ZNG1B: variants seen among roughly 807,000 people sequenced by gnomAD.
The protein encoded by ZNG1B is Zn regulated GTPase metalloprotein activator 1B.
the ZNG1B span, chr2:113,445,045 G>C: frequency 1.6e-5 from 25 of 1,609,888 alleles, 3 homozygotes; most frequent in South Asian, 2.6e-4. Context: ...CCACTGGATT[G>C]GCAGACCCAG....
chr2:113,488,660 A>G, the ZNG1B span, among the ~76,000 whole-genome samples: 1 of 151,406 alleles, frequency 6.6e-6, no homozygotes, highest in Non-Finnish European at 1.5e-5. Flanking sequence ...ACTAGATAGC[A>G]TAAATAAAAA....
At chr2:113,477,946 G>A in the ZNG1B span, among the ~76,000 whole-genome samples, 1 of 152,180 alleles carries the variant, frequency 6.6e-6, no homozygotes, top group South Asian at 2.1e-4. Context: ...TTTATTTCAC[G>A]TAGCATAAAG....
the ZNG1B span, among the ~76,000 whole-genome samples, chr2:113,490,232 G>A: frequency 5.9e-5 from 9 of 152,204 alleles, no homozygotes; most frequent in African/African-American, 1.9e-4. Context: ...ATGCCGATAC[G>A]TGGAATAACC....
chr2:113,481,955 G>A, the ZNG1B span: 5,195 of 645,958 alleles, frequency 8.0e-3, 165 homozygotes, highest in African/African-American at 0.086. Flanking sequence ...CTGTGCATAT[G>A]TATATATATG....
the ZNG1B span, among the ~76,000 whole-genome samples, chr2:113,456,149 A>G: frequency 6.6e-6 from 1 of 151,672 alleles, no homozygotes; most frequent in African/African-American, 2.4e-5. Flanking sequence ...TCGTTGATAG[A>G]GTGCCCTAAT....
the ZNG1B span, among the ~76,000 whole-genome samples, chr2:113,462,099 C>T: frequency 2.6e-5 from 4 of 151,982 alleles, no homozygotes; most frequent in South Asian, 8.3e-4. Context: ...TGATTGTAAA[C>T]TTTTTGAGAC....
the ZNG1B span, among the ~76,000 whole-genome samples, chr2:113,446,676 G>T: frequency 6.6e-6 from 1 of 150,940 alleles, no homozygotes; most frequent in Non-Finnish European, 1.5e-5. Context: ...AAAGCTGGGA[G>T]GCGGAGGTTG....
the ZNG1B span, among the ~76,000 whole-genome samples, chr2:113,484,602 A>C: frequency 1.3e-5 from 2 of 152,206 alleles, no homozygotes; most frequent in African/African-American, 4.8e-5. Context: ...TAAAGCATGC[A>C]AATGTGTAAT....
the ZNG1B span, among the ~76,000 whole-genome samples, chr2:113,440,578 A>G: frequency 6.6e-6 from 1 of 152,178 alleles, no homozygotes; most frequent in Non-Finnish European, 1.5e-5. Context: ...ATGACCTAAA[A>G]GATATTAATA....
chr2:113,489,656 A>G, the ZNG1B span, among the ~76,000 whole-genome samples: 1 of 152,186 alleles, frequency 6.6e-6, no homozygotes. Flanking sequence ...ACTTAAGGTA[A>G]AGGGATGGAC....
chr2:113,446,971 G>A, the ZNG1B span, among the ~76,000 whole-genome samples: 2 of 150,254 alleles, frequency 1.3e-5, no homozygotes, highest in South Asian at 4.3e-4. Flanking sequence ...AATCTCTAAG[G>A]GAGGGGGTCA....
At chr2:113,444,635 A>C in the ZNG1B span, among the ~76,000 whole-genome samples, 4 of 151,970 alleles carry the variant, frequency 2.6e-5, no homozygotes, top group Non-Finnish European at 5.9e-5. Context: ...ATAGTTAATA[A>C]ATTTTATCAT....
the ZNG1B span, among the ~76,000 whole-genome samples, chr2:113,493,586 G>GT: frequency 7.9e-6 from 1 of 127,150 alleles, no homozygotes. Context: ...AGGAAATGGA[G>GT]TTGCTAATTC....
chr2:113,439,976 C>T, the ZNG1B span, among the ~76,000 whole-genome samples: 1 of 146,758 alleles, frequency 6.8e-6, no homozygotes, highest in African/African-American at 2.5e-5. Context: ...GCTCCGCCTG[C>T]CGGGTTCACG....
the ZNG1B span, chr2:113,445,049 G>C: frequency 6.2e-7 from 1 of 1,609,878 alleles, no homozygotes; most frequent in Non-Finnish European, 8.5e-7. Flanking sequence ...TGGATTGGCA[G>C]ACCCAGGTAA....
chr2:113,473,663 C>T, the ZNG1B span, among the ~76,000 whole-genome samples: 1 of 148,298 alleles, frequency 6.7e-6, no homozygotes, highest in South Asian at 2.1e-4. Context: ...TACGTCCCAT[C>T]AATACCTAAT....
At chr2:113,473,414 T>C in the ZNG1B span, among the ~76,000 whole-genome samples, 28,788 of 132,130 alleles carry the variant, frequency 0.22, 3,565 homozygotes, top group East Asian at 0.41. Context: ...TCTAGATATA[T>C]AATCATGTCA....
At chr2:113,473,450 C>T in the ZNG1B span, among the ~76,000 whole-genome samples, 10 of 149,392 alleles carry the variant, frequency 6.7e-5, no homozygotes, top group Admixed American at 2.7e-4. Flanking sequence ...AATTTGACTT[C>T]CTCTTTTCCT....
At chr2:113,475,537 G>A in the ZNG1B span, among the ~76,000 whole-genome samples, 1 of 151,342 alleles carries the variant, frequency 6.6e-6, no homozygotes, top group East Asian at 2.0e-4. Flanking sequence ...TCATTATGAT[G>A]TTAGCTGGTT....
Sources: gnomAD v4.1 joint callset for allele counts (sites outside exome capture counted in the v4.1 genomes callset) on GRCh38, gnomAD v4.1.1 for gene constraint, MANE v1.5 for transcripts, NCBI Gene and HGNC (gene_info 2026-07-23, HGNC 2026-07-21) for gene names.